The following TOMM20 variants were observed in gnomAD, a reference collection of about 807,000 sequenced individuals.
The protein encoded by TOMM20 is mitochondrial import receptor subunit TOM20 homolog.
In TOMM20, 10 loss-of-function variants were observed where a neutral mutation model predicts 22.1. The ratio of observed to expected loss-of-function variants is 0.45; its 90% CI spans 0.28 to 0.77. The LOEUF is 0.77. Among genes scored for constraint, TOMM20 ranks in the 30% least tolerant of loss-of-function variants. The pLI, the probability that TOMM20 is intolerant of heterozygous loss-of-function variation, is 0.13. For missense variants in TOMM20, 121 were observed against 172.2 expected (o/e 0.70, Z 1.66); for synonymous variants, 55 against 61.4 (o/e 0.90, Z 0.49).
At chr1:235,123,709 A>G (rs1460654009) in intron 1 of TOMM20, among the ~76,000 whole-genome samples, 2 of 152,218 alleles carry the variant, frequency 1.3e-5, no homozygotes, top group Non-Finnish European at 2.9e-5. Context: ...GAAGGCTGCT[A>G]ATTTTTCTAA....
At chr1:235,124,776 A>G (rs754455960) in intron 1 of TOMM20, among the ~76,000 whole-genome samples, 12 of 152,340 alleles carry the variant, frequency 7.9e-5, no homozygotes, top group Non-Finnish European at 1.3e-4. Flanking sequence ...ATTTTTAGCA[A>G]TAAGATTAAA....
At chr1:235,123,196 G>T (rs1005206077) in intron 1 of TOMM20, among the ~76,000 whole-genome samples, 1 of 152,122 alleles carries the variant, frequency 6.6e-6, no homozygotes, top group Non-Finnish European at 1.5e-5. Flanking sequence ...CATGACTAAA[G>T]AGGTCTGAGG....
rs1319013867 is a variant in TOMM20, at chr1:235,111,101, G to C, written c.*963C>G. On this transcript the variant is annotated 3_prime_UTR_variant, in exon 5 of 5. Coordinates refer to ENST00000366607, the MANE Select transcript of TOMM20 (RefSeq NM_014765.3). ...GTTTCGGATTAATTTACAGAGTAGT[G>C]ACAGAACCATATAATTTCAGTGAAA... is the stretch of plus-strand genomic sequence containing the variant. 1.3e-5 allele frequency: 2 copies of C among 152,134 alleles called. No homozygotes were observed. Among genetic ancestry groups the C allele is most frequent in the African/African-American group, 4.8e-5 (2 of 41,400 alleles). 9.4% of individuals were successfully genotyped at this position (152,134 alleles called of 1,614,324 possible).
rs1661096447 is a variant in TOMM20 at position 235,128,824 on chromosome 1, AG to A, written c.-110del. 3 of 1,541,980 alleles carry A rather than the reference AG, an allele frequency of 1.9e-6. No homozygotes were observed. The highest frequency in any genetic ancestry group is 1.9e-5 in the Admixed American group (1 of 52,010). On this transcript the variant is annotated 5_prime_UTR_variant, in exon 1 of 5. Coordinates refer to ENST00000366607, the MANE Select transcript of TOMM20 (RefSeq NM_014765.3). The stretch of plus-strand genomic sequence containing the variant: ...AGCTCACACCCGACGGCCGCGGGCC[AG>A]GAACACAGAAAGGCCGAGCACACGC...
At chr1:235,127,759 A>G in intron 1 of TOMM20, 1 of 440,410 alleles carries the variant, frequency 2.3e-6, no homozygotes, top group Non-Finnish European at 4.6e-6. Flanking sequence ...GTGGATCACA[A>G]CGGTTTTCAT....
chr1:235,114,198 C>T (rs1468324336), intron 3 of TOMM20, among the ~76,000 whole-genome samples: 2 of 152,108 alleles, frequency 1.3e-5, no homozygotes, highest in Non-Finnish European at 2.9e-5. Context: ...TGAAAGACTA[C>T]ATGAGACAAT....
chr1:235,128,169 G>A (rs1168787200), intron 1 of TOMM20, among the ~76,000 whole-genome samples: 1 of 152,090 alleles, frequency 6.6e-6, no homozygotes, highest in Non-Finnish European at 1.5e-5. Context: ...GCGAGATTCC[G>A]TCTCAAAAAA....
chr1:235,115,300 G>A (rs1457219657), intron 3 of TOMM20, among the ~76,000 whole-genome samples: 2 of 151,996 alleles, frequency 1.3e-5, no homozygotes, highest in Non-Finnish European at 2.9e-5. Context: ...ATTTTAATGT[G>A]CCTTACATAA....
chr1:235,128,799 A>G lies in TOMM20; in HGVS notation c.-84T>C, dbSNP rs1217789068. ...CACGAACCCTCAGAGCGGTCGGCGC[A>G]GCTCACACCCGACGGCCGCGGGCCA... On this transcript the variant is annotated 5_prime_UTR_variant, in exon 1 of 5. Transcript: ENST00000366607. 1.3e-6 allele frequency: 2 copies of G among 1,580,570 alleles called. No homozygotes were observed. The highest frequency in any genetic ancestry group is 1.4e-5 in the African/African-American group (1 of 73,758).
intron 1 of TOMM20, among the ~76,000 whole-genome samples, chr1:235,125,371 T>A (rs1017178031): frequency 6.6e-6 from 1 of 152,108 alleles, no homozygotes; most frequent in Non-Finnish European, 1.5e-5. Context: ...CCCGCCACCA[T>A]GCCCGGCTAA....
intron 3 of TOMM20, chr1:235,119,217 T>C (rs1036886965): frequency 2.0e-5 from 3 of 152,234 alleles, no homozygotes; most frequent in African/African-American, 7.2e-5. Flanking sequence ...ACTTTAAAGA[T>C]AGAATATTTT....
At chr1:235,127,674 T>C (rs1661047642) in intron 1 of TOMM20, 1 of 382,762 alleles carries the variant, frequency 2.6e-6, no homozygotes, top group Non-Finnish European at 5.2e-6. Flanking sequence ...ACAACCAAGA[T>C]AAGCCAAAAA....
At position 235,112,004 on chromosome 1, in the gene TOMM20, A is replaced by C; in HGVS notation, c.*60T>G. 1 of 1,480,542 alleles carries C rather than the reference A, an allele frequency of 6.8e-7. No individual in the cohort carries two copies. Among genetic ancestry groups the C allele is most frequent in the Non-Finnish European group, 9.4e-7 (1 of 1,068,844 alleles). The allele number at this position is 1,480,542 out of a possible 1,614,324, so 91.7% of individuals were successfully genotyped here. ...TGCCCTTATTCCCCCAGAGCTGCTCAACTACCAAGAATTTTTAAAATATTT... is the reference window on the plus strand; with the variant it reads ...TGCCCTTATTCCCCCAGAGCTGCTCCACTACCAAGAATTTTTAAAATATTT... On this transcript the variant is annotated 3_prime_UTR_variant, in exon 5 of 5. Transcript: ENST00000366607.
chr1:235,112,695 C>G (rs570707776), intron 4 of TOMM20, among the ~76,000 whole-genome samples: 18 of 152,082 alleles, frequency 1.2e-4, no homozygotes, highest in Non-Finnish European at 2.2e-4. Flanking sequence ...TTTTCACTCC[C>G]AGGCAAACCA....
chr1:235,113,983 T>C, intron 3 of TOMM20, 73 bp from the exon 4 acceptor site: 2 of 1,479,344 alleles, frequency 1.4e-6, no homozygotes. Context: ...TTACACACTA[T>C]CTCCAAATGA....
At chr1:235,112,209 A>G in intron 4 of TOMM20, 101 bp from the exon 5 acceptor site, 1 of 950,334 alleles carries the variant, frequency 1.1e-6, no homozygotes, top group Non-Finnish European at 1.6e-6. Context: ...ATTGAATCTT[A>G]GTAAAGTTCA....
At chr1:235,126,507 C>T (rs1304481488) in intron 1 of TOMM20, among the ~76,000 whole-genome samples, 1 of 152,064 alleles carries the variant, frequency 6.6e-6, no homozygotes, top group Non-Finnish European at 1.5e-5. Context: ...AATATTTCTA[C>T]TCATAAAAAT....
chr1:235,109,395 A>C lies in TOMM20; in HGVS notation c.*2669T>G, dbSNP rs767897527. 2.6e-5 allele frequency: 4 copies of C among 152,220 alleles called. No individual in the cohort carries two copies. Among genetic ancestry groups the C allele is most frequent in the Non-Finnish European group, 4.4e-5 (3 of 68,032 alleles). The allele number at this position is 152,220 out of a possible 1,614,324, so 9.4% of individuals were successfully genotyped here. ...AACAGTTGAGGCACAAGCAATAATAAAACTGCATTTTTTACGTTACAAAAA... is the reference window on the plus strand; with the variant it reads ...AACAGTTGAGGCACAAGCAATAATACAACTGCATTTTTTACGTTACAAAAA... On this transcript the variant is annotated 3_prime_UTR_variant, in exon 5 of 5. Transcript: ENST00000366607.
intron 3 of TOMM20, among the ~76,000 whole-genome samples, chr1:235,117,764 TA>T (rs1426467620): frequency 6.6e-6 from 1 of 152,172 alleles, no homozygotes; most frequent in Non-Finnish European, 1.5e-5. Flanking sequence ...CACCTGAGTA[TA>T]AGTAAAGGTT....
Sources: gnomAD v4.1 joint callset for allele counts (sites outside exome capture counted in the v4.1 genomes callset) on GRCh38, gnomAD v4.1.1 for gene constraint, MANE v1.5 for transcripts, NCBI Gene and HGNC (gene_info 2026-07-23, HGNC 2026-07-21) for gene names.